SGTB: variants seen among roughly 807,000 people sequenced by gnomAD.
SGTB encodes the protein small glutamine-rich tetratricopeptide repeat-containing protein beta.
In SGTB, 19 loss-of-function variants were observed where a neutral mutation model predicts 43.9. That is an observed-to-expected ratio of 0.43 (90% CI 0.30 to 0.63). The LOEUF is 0.63. Among genes scored for constraint, SGTB ranks in the 30% least tolerant of loss-of-function variants. The pLI, the probability that SGTB is intolerant of heterozygous loss-of-function variation, is 0.12. For synonymous variants in SGTB, 116 were observed against 117.3 expected, an observed-to-expected ratio of 0.99 and a Z score of 0.07; for missense variants, 304 against 358.9, an observed-to-expected ratio of 0.85 and a Z score of 1.24.
chr5:65,711,284 C>A (rs900621642), intron 3 of SGTB, among the ~76,000 whole-genome samples: 5 of 151,416 alleles, frequency 3.3e-5, no homozygotes, highest in Non-Finnish European at 5.9e-5. Context: ...TAAATGCAAT[C>A]AGGGAGATAC....
intron 10 of SGTB, among the ~76,000 whole-genome samples, chr5:65,670,926 C>T (rs565629923): frequency 7.9e-5 from 12 of 152,210 alleles, no homozygotes; most frequent in Non-Finnish European, 1.6e-4. Flanking sequence ...TATAAAATGT[C>T]CAGCGAGAGC....
chr5:65,710,049 C>T (rs988518795), intron 3 of SGTB, among the ~76,000 whole-genome samples: 3 of 151,964 alleles, frequency 2.0e-5, no homozygotes, highest in Admixed American at 2.0e-4. Flanking sequence ...GGGTCTTGTC[C>T]TTATTTTTTT....
intron 2 of SGTB, among the ~76,000 whole-genome samples, chr5:65,717,492 C>T (rs10051938): frequency 0.29 from 43,454 of 150,142 alleles, 6,706 homozygotes; most frequent in South Asian, 0.44. Flanking sequence ...TAGAGGGGTT[C>T]CATTTAGAAA....
rs1261794246 is a variant in SGTB at position 65,719,426 on chromosome 5, C to CA, written c.100+1281dup. On this transcript the variant is annotated intron_variant, in intron 2 of 10. Transcript: ENST00000381007. ...GCAACATGGCGAAACTCTGTCTCTA[C>CA]AAAAAAAAATACAAAACTTAGCCGG... is the stretch of plus-strand genomic sequence containing the variant. Among the ~76,000 whole-genome samples the CA allele has an allele frequency of 4.9e-4, 74 of 150,242 alleles. 1 individual carries two copies. Among genetic ancestry groups the CA allele is most frequent in the African/African-American group, 1.6e-3 (67 of 40,942 alleles).
chr5:65,715,813 A>G (rs905368863), intron 2 of SGTB, among the ~76,000 whole-genome samples: 4 of 152,228 alleles, frequency 2.6e-5, no homozygotes, highest in African/African-American at 9.6e-5. Flanking sequence ...TCTATTGCCC[A>G]GGCTGGAGTG....
At chr5:65,678,763 T>C (rs532280631) in intron 8 of SGTB, among the ~76,000 whole-genome samples, 35 of 152,198 alleles carry the variant, frequency 2.3e-4, no homozygotes, top group Non-Finnish European at 4.4e-4. Flanking sequence ...ATTTAATAAG[T>C]GTTGCTGAGA....
At chr5:65,674,214 G>C (rs1473581079) in intron 8 of SGTB, among the ~76,000 whole-genome samples, 1 of 152,132 alleles carries the variant, frequency 6.6e-6, no homozygotes, top group East Asian at 1.9e-4. Flanking sequence ...CTAGGCCCTG[G>C]AGATTTCTTA....
At position 65,669,222 on chromosome 5, in the gene SGTB, C is replaced by A. The variant is rs1245011764; in HGVS notation, c.*1024G>T. 1 of 152,036 alleles carries A rather than the reference C, an allele frequency of 6.6e-6. No homozygotes were observed. The highest frequency in any genetic ancestry group is 1.5e-5 in the Non-Finnish European group (1 of 68,008). 9.4% of individuals were successfully genotyped at this position (152,036 alleles called of 1,614,324 possible). On this transcript the variant is annotated 3_prime_UTR_variant, in exon 11 of 11. Transcript: ENST00000381007. ...AAATTATCACAGAAGATTACATGAA[C>A]AAGCAATGTTAGTGATAGATGCTTT...
rs560077793 is a variant in SGTB, at chr5:65,721,094, T to G, written c.-22-265A>C. ...AATAAGTAAAAATGTCTTCAAAACATGTACAGCATAAGCTTAGACTGTCAC... is the reference window on the plus strand; with the variant it reads ...AATAAGTAAAAATGTCTTCAAAACAGGTACAGCATAAGCTTAGACTGTCAC... On this transcript the variant is annotated intron_variant, in intron 1 of 10. Coordinates refer to ENST00000381007, the MANE Select transcript of SGTB (RefSeq NM_019072.3). Among the ~76,000 whole-genome samples the G allele has an allele frequency of 3.3e-5, 5 of 152,350 alleles. No individual in the cohort carries two copies. In the South Asian group the frequency reaches 1.0e-3, roughly 32 times the overall value.
rs1055032540 is a variant in SGTB, at chr5:65,668,031, C to CA, written c.*2214dup. On this transcript the variant is annotated 3_prime_UTR_variant, in exon 11 of 11. Coordinates refer to ENST00000381007, the MANE Select transcript of SGTB (RefSeq NM_019072.3). ...GCAGTGGCGCAATCTTGGCTCACTG[C>CA]AACCTCTGCCTCTCAGGTTCGAGCA... 4 of 150,424 alleles carry CA rather than the reference C, an allele frequency of 2.7e-5. No homozygotes were observed. The highest frequency in any genetic ancestry group is 9.8e-5 in the African/African-American group (4 of 40,710). 9.3% of individuals were successfully genotyped at this position (150,424 alleles called of 1,614,324 possible). A position where few individuals can be genotyped will look rare whatever the true frequency, so the allele number is the denominator to read the frequency against.
intron 5 of SGTB, among the ~76,000 whole-genome samples, chr5:65,698,636 T>C (rs916304288): frequency 2.0e-5 from 3 of 152,078 alleles, no homozygotes; most frequent in Non-Finnish European, 4.4e-5. Context: ...AAACTGTGCA[T>C]CCAACAAAGG....
At chr5:65,685,841 AC>A (rs1183535983) in intron 5 of SGTB, among the ~76,000 whole-genome samples, 2 of 152,342 alleles carry the variant, frequency 1.3e-5, no homozygotes, top group East Asian at 3.9e-4. Context: ...GTGAATGGCT[AC>A]ACAGAGGGTT....
chr5:65,714,372 AG>A (rs2150724152), intron 2 of SGTB, among the ~76,000 whole-genome samples: 1 of 152,376 alleles, frequency 6.6e-6, no homozygotes, highest in East Asian at 1.9e-4. Flanking sequence ...ATTTTAATAA[AG>A]GAAGACAACA....
At chr5:65,692,234 C>T in intron 5 of SGTB, among the ~76,000 whole-genome samples, 1 of 152,004 alleles carries the variant, frequency 6.6e-6, no homozygotes. Flanking sequence ...CACCATTTTG[C>T]AACTATCAAC....
chr5:65,705,653 A>G (rs1401983509), intron 4 of SGTB, among the ~76,000 whole-genome samples: 2 of 152,154 alleles, frequency 1.3e-5, no homozygotes, highest in African/African-American at 4.8e-5. Flanking sequence ...AGAATATTCA[A>G]ATTACTGTAA....
chr5:65,708,918 G>A (rs113699652), intron 3 of SGTB, among the ~76,000 whole-genome samples: 6 of 152,182 alleles, frequency 3.9e-5, no homozygotes, highest in African/African-American at 1.4e-4. Flanking sequence ...GCATGTGCCT[G>A]TAGTCCCAGC....
intron 6 of SGTB, among the ~76,000 whole-genome samples, chr5:65,682,759 T>C (rs1309823325): frequency 2.0e-5 from 3 of 151,992 alleles, no homozygotes; most frequent in Non-Finnish European, 4.4e-5. Context: ...AAACATAGAG[T>C]TGAAGAGTAG....
At chr5:65,674,560 C>G (rs1757226309) in intron 8 of SGTB, among the ~76,000 whole-genome samples, 1 of 152,178 alleles carries the variant, frequency 6.6e-6, no homozygotes, top group Admixed American at 6.5e-5. Flanking sequence ...GCAAGCCTCC[C>G]TAATTCCTTC....
At chr5:65,700,970 A>T (rs1031903632) in intron 5 of SGTB, among the ~76,000 whole-genome samples, 4 of 140,370 alleles carry the variant, frequency 2.8e-5, no homozygotes, top group African/African-American at 1.1e-4. Context: ...ATATCCTGCC[A>T]CTGCACTCCA....
Sources: gnomAD v4.1 joint callset for allele counts (sites outside exome capture counted in the v4.1 genomes callset) on GRCh38, gnomAD v4.1.1 for gene constraint, MANE v1.5 for transcripts, NCBI Gene and HGNC (gene_info 2026-07-23, HGNC 2026-07-21) for gene names.